CYSLTR2: variants seen among roughly 807,000 people sequenced by gnomAD.
The protein encoded by CYSLTR2 is cysteinyl leukotriene receptor 2.
For synonymous variants in CYSLTR2, 179 were observed against 160.8 expected (o/e 1.11, Z -0.86); for missense variants, 398 against 411.9 (o/e 0.97, Z 0.29).
chr13:48,663,102 CT>C (rs1182272069), intron 1 of CYSLTR2, among the ~76,000 whole-genome samples: 1 of 152,092 alleles, frequency 6.6e-6, no homozygotes, highest in East Asian at 1.9e-4. Context: ...AGGAGACTGT[CT>C]TTTCCCCAAT....
At chr13:48,700,716 G>A (rs1954318663) in intron 4 of CYSLTR2, among the ~76,000 whole-genome samples, 1 of 152,152 alleles carries the variant, frequency 6.6e-6, no homozygotes, top group Non-Finnish European at 1.5e-5. Context: ...AGGAAAAGAG[G>A]AAGTCAAATT....
At chr13:48,655,329 C>T (rs901605278) in intron 1 of CYSLTR2, among the ~76,000 whole-genome samples, 4 of 152,186 alleles carry the variant, frequency 2.6e-5, no homozygotes, top group African/African-American at 9.7e-5. Flanking sequence ...ACTGTGGGCA[C>T]AGCGAAGATC....
At chr13:48,681,155 G>A (rs1473995989) in intron 1 of CYSLTR2, among the ~76,000 whole-genome samples, 2 of 151,956 alleles carry the variant, frequency 1.3e-5, no homozygotes, top group African/African-American at 2.4e-5. Flanking sequence ...AGCCCCCTGT[G>A]GGGCCTAAAA....
In CYSLTR2 at chr13:48,680,795, CTTTTCTTTTTTT is replaced by C. The variant is rs1174571094; in HGVS notation, c.-265-10412_-265-10401del. Among the ~76,000 whole-genome samples the C allele has an allele frequency of 2.0e-3, 220 of 110,582 alleles. 2 individuals carry two copies. The highest frequency in any genetic ancestry group is 4.8e-3 in the East Asian group (20 of 4,206). 72.5% of individuals were successfully genotyped at this position (110,582 alleles called of 152,430 possible). A position where few individuals can be genotyped will look rare whatever the true frequency, so the allele number is the denominator to read the frequency against. ...TTCTTTTCTTTCTTTCTTTTCTTTTCTTTTCTTTTTTTTTTTTTTTTTTTTGCAGTCTAGTGA... is the reference window on the plus strand; with the variant it reads ...TTCTTTTCTTTCTTTCTTTTCTTTTCTTTTTTTTTTTTTGCAGTCTAGTGA... On this transcript the variant is annotated intron_variant, in intron 1 of 4. Transcript: ENST00000682523.
intron 4 of CYSLTR2, among the ~76,000 whole-genome samples, chr13:48,697,260 A>T (rs1166508272): frequency 6.6e-6 from 1 of 152,158 alleles, no homozygotes; most frequent in Admixed American, 6.5e-5. Flanking sequence ...AAAACCTCCC[A>T]GTAGGGGCCG....
chr13:48,674,747 A>C (rs1037247236), intron 1 of CYSLTR2, among the ~76,000 whole-genome samples: 1 of 152,158 alleles, frequency 6.6e-6, no homozygotes, highest in Non-Finnish European at 1.5e-5. Context: ...GTTTTTCCTC[A>C]TCTTCATGGA....
At chr13:48,668,803 C>A (rs538662484) in intron 1 of CYSLTR2, among the ~76,000 whole-genome samples, 86 of 152,182 alleles carry the variant, frequency 5.7e-4, no homozygotes, top group African/African-American at 1.8e-3. Context: ...TTCCCACTCC[C>A]CTGTGTCCAT....
rs186282405 is a variant in CYSLTR2, at chr13:48,690,018, T to C, written c.-265-1194T>C. Reference sequence around the variant, plus strand: ...AGGTATTTTATTCTCTTTGTAGCAATTGTGACTGGGAGTTCACTCATGATT... The same window carrying C: ...AGGTATTTTATTCTCTTTGTAGCAACTGTGACTGGGAGTTCACTCATGATT... On this transcript the variant is annotated intron_variant, in intron 1 of 4. Coordinates refer to ENST00000682523, the MANE Select transcript of CYSLTR2 (RefSeq NM_001308476.3). Among the ~76,000 whole-genome samples the C allele has an allele frequency of 9.2e-5, 14 of 152,282 alleles. No individual in the cohort carries two copies. In the East Asian group the frequency reaches 2.7e-3, roughly 29 times the overall value.
At chr13:48,701,058 C>T (rs1246990936) in intron 4 of CYSLTR2, among the ~76,000 whole-genome samples, 1 of 152,112 alleles carries the variant, frequency 6.6e-6, no homozygotes, top group East Asian at 1.9e-4. Flanking sequence ...GCCATACTGC[C>T]CAAGGTAATT....
intron 2 of CYSLTR2, among the ~76,000 whole-genome samples, chr13:48,691,885 A>G (rs1489367580): frequency 6.6e-6 from 1 of 152,000 alleles, no homozygotes; most frequent in Non-Finnish European, 1.5e-5. Context: ...GCTTTTTATT[A>G]GTAAGTTTGG....
At chr13:48,699,182 T>C (rs1256769927) in intron 4 of CYSLTR2, among the ~76,000 whole-genome samples, 2 of 152,192 alleles carry the variant, frequency 1.3e-5, no homozygotes, top group Non-Finnish European at 2.9e-5. Context: ...CTAATAGACA[T>C]CTACAGAACT....
Position 48,710,722 on chromosome 13 carries a change from C to T in CYSLTR2, c.*2864C>T, listed in dbSNP as rs148269879. On this transcript the variant is annotated 3_prime_UTR_variant, in exon 5 of 5. Transcript: ENST00000682523. ...ATTACACCCCACGGTGTGTGATAAA[C>T]ACTTAGTTAAGATGAAAAGGTATTA... is the stretch of plus-strand genomic sequence containing the variant. 40 of 152,294 alleles carry T rather than the reference C, an allele frequency of 2.6e-4. No individual in the cohort carries two copies. Among genetic ancestry groups the T allele is most frequent in the African/African-American group, 9.6e-4 (40 of 41,568 alleles). 9.4% of individuals were successfully genotyped at this position (152,294 alleles called of 1,614,324 possible). A position where few individuals can be genotyped will look rare whatever the true frequency, so the allele number is the denominator to read the frequency against.
At chr13:48,676,289 C>T (rs1008694930) in intron 1 of CYSLTR2, among the ~76,000 whole-genome samples, 2 of 152,098 alleles carry the variant, frequency 1.3e-5, no homozygotes, top group African/African-American at 2.4e-5. Flanking sequence ...AATACAGATA[C>T]GATTGGGACC....
chr13:48,702,609 T>C (rs1463450148), intron 4 of CYSLTR2, among the ~76,000 whole-genome samples: 1 of 152,198 alleles, frequency 6.6e-6, no homozygotes, highest in Non-Finnish European at 1.5e-5. Context: ...GGCATAGTTA[T>C]GTGGGTCTGT....
intron 1 of CYSLTR2, among the ~76,000 whole-genome samples, chr13:48,665,778 T>A (rs1282321813): frequency 6.6e-6 from 1 of 152,154 alleles, no homozygotes; most frequent in Non-Finnish European, 1.5e-5. Flanking sequence ...AGTCTATATC[T>A]TTTAAATGGG....
At chr13:48,694,995 A>C (rs1051648857) in intron 3 of CYSLTR2, among the ~76,000 whole-genome samples, 1 of 152,080 alleles carries the variant, frequency 6.6e-6, no homozygotes, top group African/African-American at 2.4e-5. Flanking sequence ...TGTAAAAAAA[A>C]AATAGAAAAA....
At chr13:48,668,679 A>G (rs1953333643) in intron 1 of CYSLTR2, among the ~76,000 whole-genome samples, 2 of 152,162 alleles carry the variant, frequency 1.3e-5, no homozygotes, top group South Asian at 2.1e-4. Context: ...ACATAGGTAT[A>G]TATGTGCCAT....
At chr13:48,684,715 G>A (rs985096108) in intron 1 of CYSLTR2, among the ~76,000 whole-genome samples, 3 of 152,046 alleles carry the variant, frequency 2.0e-5, no homozygotes, top group Admixed American at 2.0e-4. Context: ...CCTAACCCCA[G>A]GTACCTGTGA....
chr13:48,694,987 T>TA (rs941450394), intron 3 of CYSLTR2, among the ~76,000 whole-genome samples: 54 of 142,656 alleles, frequency 3.8e-4, no homozygotes, highest in Middle Eastern at 3.8e-3. Flanking sequence ...CATGCACATG[T>TA]AAAAAAAAAA....
Sources: allele counts gnomAD v4.1 joint callset (sites outside exome capture counted in the v4.1 genomes callset), GRCh38; gene constraint gnomAD v4.1.1; transcripts MANE v1.5; gene names NCBI Gene and HGNC (gene_info 2026-07-23, HGNC 2026-07-21).